SULF2: variants seen among roughly 807,000 people sequenced by gnomAD.
SULF2 encodes the protein extracellular sulfatase Sulf-2.
In SULF2, 52 loss-of-function variants were observed where a neutral mutation model predicts 107.7. That is an observed-to-expected ratio of 0.48 (90% CI 0.39 to 0.61). SULF2 has a LOEUF of 0.61. Ranked by LOEUF, SULF2 falls within the 20% of genes least tolerant of loss-of-function variation. SULF2 has a pLI of 0.00. For missense variants in SULF2, 993 were observed against 1,177.3 expected, an observed-to-expected ratio of 0.84 and a Z score of 2.29; for synonymous variants, 460 against 464.3, an observed-to-expected ratio of 0.99 and a Z score of 0.12.
chr20:47,701,460 T>C (rs2088566095), intron 4 of SULF2, among the ~76,000 whole-genome samples: 3 of 152,360 alleles, frequency 2.0e-5, no homozygotes, highest in South Asian at 2.1e-4. Flanking sequence ...ATTCATCTTA[T>C]GTTAAAAACA....
At chr20:47,731,210 T>TTTTTTTTTTTTTTTG (rs1491437167) in intron 3 of SULF2, among the ~76,000 whole-genome samples, 3 of 135,764 alleles carry the variant, frequency 2.2e-5, no homozygotes, top group African/African-American at 9.2e-5. Flanking sequence ...TTTTTTTTTT[T>TTTTTTTTTTTTTTTG]GAGACAGAGT....
intron 5 of SULF2, chr20:47,685,645 G>C (rs1463092490): frequency 2.0e-5 from 3 of 152,320 alleles, no homozygotes; most frequent in Non-Finnish European, 2.9e-5. Context: ...CTCTTTAGTA[G>C]CTGGGACTAC....
At chr20:47,671,826 T>C (rs1164569128) in intron 11 of SULF2, among the ~76,000 whole-genome samples, 1 of 152,166 alleles carries the variant, frequency 6.6e-6, no homozygotes, top group Non-Finnish European at 1.5e-5. Context: ...GCGATTCTCA[T>C]GCCTCAGCCT....
At chr20:47,667,689 G>A (rs141428522) in intron 11 of SULF2, among the ~76,000 whole-genome samples, 62 of 152,316 alleles carry the variant, frequency 4.1e-4, no homozygotes, top group African/African-American at 1.4e-3. Context: ...GGCACGCACT[G>A]CAGTTGTCAT....
chr20:47,785,157 T>TCCCG (rs1388953569), intron 1 of SULF2, among the ~76,000 whole-genome samples, 186 bp downstream of exon 1: 1 of 119,314 alleles, frequency 8.4e-6, no homozygotes, highest in Non-Finnish European at 1.8e-5. Flanking sequence ...GGAGCCTCCC[T>TCCCG]CCCGCCCGCC....
intron 6 of SULF2, among the ~76,000 whole-genome samples, chr20:47,683,430 G>A (rs1203333251): frequency 1.3e-5 from 2 of 152,130 alleles, no homozygotes; most frequent in African/African-American, 4.8e-5. Flanking sequence ...CTGTGTCCCT[G>A]CCTTGGCATG....
intron 1 of SULF2, among the ~76,000 whole-genome samples, chr20:47,768,879 C>A (rs1237775065): frequency 8.1e-6 from 1 of 122,840 alleles, no homozygotes; most frequent in Non-Finnish European, 1.7e-5. Context: ...TGTTTGTGTG[C>A]GTGTTTTTTT....
intron 5 of SULF2, 68 bp from the exon 6 acceptor site, chr20:47,684,649 G>A: frequency 6.5e-7 from 1 of 1,540,120 alleles, no homozygotes; most frequent in South Asian, 1.2e-5. Context: ...GCCCCCGCCA[G>A]ACCCGCCCGG....
At chr20:47,731,195 T>TTTTTTTTATTTATTTATTTA (rs2089599646) in intron 3 of SULF2, among the ~76,000 whole-genome samples, 3 of 103,172 alleles carry the variant, frequency 2.9e-5, no homozygotes, top group African/African-American at 1.1e-4. Context: ...CTCTTTTTTT[T>TTTTTTTTATTTATTTATTTA]TTTTTTTTTT....
intron 2 of SULF2, among the ~76,000 whole-genome samples, chr20:47,753,360 C>T (rs1345946907): frequency 6.6e-6 from 1 of 152,200 alleles, no homozygotes; most frequent in Non-Finnish European, 1.5e-5. Context: ...ACATCAAAAG[C>T]TTGAGAAAGT....
intron 2 of SULF2, among the ~76,000 whole-genome samples, chr20:47,756,527 G>A (rs1048134572): frequency 2.6e-5 from 4 of 152,108 alleles, no homozygotes; most frequent in Admixed American, 6.5e-5. Flanking sequence ...CCAACAACAC[G>A]CTGTTATCCT....
At chr20:47,755,628 A>G (rs1160995923) in intron 2 of SULF2, among the ~76,000 whole-genome samples, 1 of 152,080 alleles carries the variant, frequency 6.6e-6, no homozygotes, top group Non-Finnish European at 1.5e-5. Context: ...CTGAGCTTCC[A>G]TCATCACTGC....
rs527543355 is a variant in SULF2, at chr20:47,663,895, C to T, written c.2057+235G>A. ...ACTCCTGTTGACACCCCTTTCCCCTCCTTCCTGTGTCCTGCCCTGCTTGGT... is the reference window on the plus strand; with the variant it reads ...ACTCCTGTTGACACCCCTTTCCCCTTCTTCCTGTGTCCTGCCCTGCTTGGT... On this transcript the variant is annotated intron_variant, in intron 15 of 20. Coordinates refer to ENST00000688720, the MANE Select transcript of SULF2 (RefSeq NM_001387048.1). Among the ~76,000 whole-genome samples, 319 of 152,336 alleles carry T rather than the reference C, an allele frequency of 2.1e-3. 1 individual carries two copies. Among genetic ancestry groups the T allele is most frequent in the Non-Finnish European group, 3.9e-3 (268 of 68,022 alleles).
chr20:47,659,912 TCTC>T (rs1311784087), intron 18 of SULF2, among the ~76,000 whole-genome samples, 182 bp from the exon 19 acceptor site: 1 of 152,158 alleles, frequency 6.6e-6, no homozygotes, highest in African/African-American at 2.4e-5. Context: ...CTGCCCTAAG[TCTC>T]CTAGATAGCC....
chr20:47,754,030 A>G (rs1336058846), intron 2 of SULF2, among the ~76,000 whole-genome samples: 2 of 152,186 alleles, frequency 1.3e-5, no homozygotes, highest in East Asian at 3.8e-4. Context: ...ATGGCCCTGG[A>G]AGCAGTTCCC....
intron 15 of SULF2, 139 bp downstream of exon 15, chr20:47,663,991 G>T: frequency 1.1e-6 from 1 of 877,640 alleles, no homozygotes; most frequent in Non-Finnish European, 1.7e-6. Flanking sequence ...GGGAAGTAAG[G>T]CCTCTTCGAG....
chr20:47,719,235 T>C (rs993829998), intron 3 of SULF2, among the ~76,000 whole-genome samples: 3 of 152,256 alleles, frequency 2.0e-5, no homozygotes, highest in African/African-American at 4.8e-5. Flanking sequence ...TAAAGAAGCA[T>C]ACATATCACA....
chr20:47,687,290 T>C (rs918874475), intron 5 of SULF2, among the ~76,000 whole-genome samples: 2 of 152,098 alleles, frequency 1.3e-5, no homozygotes, highest in African/African-American at 4.8e-5. Flanking sequence ...TGGTTGCCTG[T>C]GTCAAGCCAG....
chr20:47,704,020 C>T (rs1301094035), intron 3 of SULF2, among the ~76,000 whole-genome samples: 1 of 152,060 alleles, frequency 6.6e-6, no homozygotes, highest in Non-Finnish European at 1.5e-5. Context: ...GGGAGGGTGG[C>T]TGGGAGCAGC....
Sources: allele counts gnomAD v4.1 joint callset (sites outside exome capture counted in the v4.1 genomes callset), GRCh38; gene constraint gnomAD v4.1.1; transcripts MANE v1.5; gene names NCBI Gene and HGNC (gene_info 2026-07-23, HGNC 2026-07-21).